The following REPS1 variants were observed in gnomAD, a reference collection of about 807,000 sequenced individuals.
REPS1 encodes the protein RALBP1 associated Eps domain containing 1.
REPS1 carries 39 observed loss-of-function variants against 100.9 expected under a neutral mutation model. That is an observed-to-expected ratio of 0.39 (90% CI 0.30 to 0.50). REPS1 has a LOEUF of 0.50. Ranked by LOEUF, REPS1 falls within the 20% of genes least tolerant of loss-of-function variation. The pLI is 0.86. For synonymous variants in REPS1, 324 were observed against 340.3 expected (o/e 0.95, Z 0.53); for missense variants, 821 against 968.5 (o/e 0.85, Z 2.02).
rs543415154 is a variant in REPS1, at chr6:138,904,154, G to T, written c.*910C>A. ...TCTGCTGTTAGCAATGGATCGAAAT[G>T]TATATATCATTTAATATTAAACAAA... On this transcript the variant is annotated 3_prime_UTR_variant, in exon 20 of 20. Coordinates refer to ENST00000450536, the MANE Select transcript of REPS1 (RefSeq NM_001286611.2). 1 of 152,246 alleles carries T rather than the reference G, an allele frequency of 6.6e-6. No homozygotes were observed. The highest frequency in any genetic ancestry group is 2.1e-4 in the South Asian group (1 of 4,830). 9.4% of individuals were successfully genotyped at this position (152,246 alleles called of 1,614,324 possible).
chr6:138,981,865 T>C (rs910099844), intron 1 of REPS1, among the ~76,000 whole-genome samples: 10 of 152,192 alleles, frequency 6.6e-5, no homozygotes, highest in African/African-American at 2.2e-4. Context: ...TTGGCACGAA[T>C]TCCCAATATA....
At chr6:138,907,733 C>G in intron 18 of REPS1, 133 bp from the exon 19 acceptor site, 2 of 589,136 alleles carry the variant, frequency 3.4e-6, no homozygotes, top group Non-Finnish European at 6.0e-6. Context: ...ACAGCTCAAC[C>G]TCACTTGCTC....
At position 138,920,938 on chromosome 6, in the gene REPS1, T is replaced by TA. The variant is rs544797608; in HGVS notation, c.1426+98dup. On this transcript the variant is annotated intron_variant, in intron 11 of 19. Coordinates refer to ENST00000450536, the MANE Select transcript of REPS1 (RefSeq NM_001286611.2). ...TACATAATTGTAGAAAGTACTAGCT[T>TA]AAAAAATAAGCGATGAAAGAAATTT... is the stretch of plus-strand genomic sequence containing the variant. The TA allele has an allele frequency of 9.2e-5, 77 of 840,050 alleles. No homozygotes were observed. The South Asian group carries it at 1.1e-3, about 12-fold the overall frequency. The allele number at this position is 840,050 out of a possible 1,614,324, so 52.0% of individuals were successfully genotyped here.
chr6:138,977,722 C>A (rs1162513845), intron 1 of REPS1, among the ~76,000 whole-genome samples: 1 of 152,096 alleles, frequency 6.6e-6, no homozygotes, highest in Non-Finnish European at 1.5e-5. Flanking sequence ...ACATACCTTT[C>A]TTTATTTGTA....
At chr6:138,986,620 T>C (rs567002941) in intron 1 of REPS1, among the ~76,000 whole-genome samples, 19 of 152,332 alleles carry the variant, frequency 1.2e-4, no homozygotes, top group Middle Eastern at 6.8e-3. Context: ...TGTGGATAAC[T>C]AGCTTGGATC....
At chr6:138,925,819 G>A (rs966481258) in intron 10 of REPS1, among the ~76,000 whole-genome samples, 2 of 152,132 alleles carry the variant, frequency 1.3e-5, no homozygotes, top group South Asian at 2.1e-4. Flanking sequence ...TTTAAATCAG[G>A]ATATGAACTT....
chr6:138,985,589 T>C (rs1041351526), intron 1 of REPS1, among the ~76,000 whole-genome samples: 2 of 152,232 alleles, frequency 1.3e-5, no homozygotes, highest in Admixed American at 6.5e-5. Flanking sequence ...GTAAATTGCC[T>C]TCAAGATATC....
chr6:138,913,976 C>T (rs1429977796), intron 15 of REPS1, among the ~76,000 whole-genome samples: 3 of 152,190 alleles, frequency 2.0e-5, no homozygotes, highest in African/African-American at 4.8e-5. Context: ...TACTACAGCA[C>T]TCTAATTTTG....
chr6:138,915,732 C>A, intron 14 of REPS1, 126 bp downstream of exon 14: 1 of 712,536 alleles, frequency 1.4e-6, no homozygotes, highest in East Asian at 2.9e-5. Flanking sequence ...CAGGCATGAG[C>A]AACCACACTC....
chr6:138,954,038 T>C (rs1783216112), intron 1 of REPS1, among the ~76,000 whole-genome samples: 2 of 151,976 alleles, frequency 1.3e-5, no homozygotes, highest in South Asian at 2.1e-4. Context: ...CTGTCATTCA[T>C]GGCAACATGG....
At chr6:138,978,992 C>T (rs996498620) in intron 1 of REPS1, among the ~76,000 whole-genome samples, 6 of 151,914 alleles carry the variant, frequency 3.9e-5, no homozygotes, top group Non-Finnish European at 8.8e-5. Flanking sequence ...ACCAGCCTGG[C>T]CAACATGGTG....
chr6:138,952,311 A>C (rs9389635), intron 1 of REPS1, among the ~76,000 whole-genome samples: 28,202 of 151,852 alleles, frequency 0.19, 2,816 homozygotes, highest in East Asian at 0.34. Flanking sequence ...AAATCTAAAG[A>C]CTCTACCAAA....
chr6:138,984,968 C>A (rs1384946847), intron 1 of REPS1, among the ~76,000 whole-genome samples: 1 of 152,218 alleles, frequency 6.6e-6, no homozygotes, highest in Non-Finnish European at 1.5e-5. Flanking sequence ...TGACCTAGCA[C>A]CCAATCCAGA....
intron 8 of REPS1, among the ~76,000 whole-genome samples, chr6:138,937,805 C>T (rs1383478872): frequency 1.3e-5 from 2 of 152,162 alleles, no homozygotes; most frequent in Non-Finnish European, 2.9e-5. Flanking sequence ...ACTCAATTTG[C>T]ACCTTGCTAG....
chr6:138,940,660 C>T (rs984747083), intron 8 of REPS1, among the ~76,000 whole-genome samples: 3 of 151,512 alleles, frequency 2.0e-5, no homozygotes, highest in Admixed American at 6.6e-5. Flanking sequence ...GCAGGAGAAT[C>T]GCTTGAACCC....
At chr6:138,952,656 T>G (rs970712480) in intron 1 of REPS1, among the ~76,000 whole-genome samples, 1 of 151,868 alleles carries the variant, frequency 6.6e-6, no homozygotes. Flanking sequence ...TGCCTCAGTC[T>G]CTCAAAGTGC....
intron 1 of REPS1, among the ~76,000 whole-genome samples, chr6:138,980,806 G>A (rs916262471): frequency 4.0e-5 from 6 of 150,486 alleles, no homozygotes; most frequent in Admixed American, 2.7e-4. Context: ...TCCTGCCTCT[G>A]CCTCTCAAGT....
intron 1 of REPS1, among the ~76,000 whole-genome samples, chr6:138,953,774 G>T (rs943857361): frequency 6.6e-6 from 1 of 151,412 alleles, no homozygotes. Flanking sequence ...CCACTATGGA[G>T]AACAGTATGA....
chr6:138,920,158 C>CA (rs1780656340), intron 12 of REPS1, 57 bp downstream of exon 12: 1 of 917,042 alleles, frequency 1.1e-6, no homozygotes, highest in Non-Finnish European at 1.8e-6. Context: ...CTGAAATAGT[C>CA]AGACTCTAAA....
Sources: gnomAD v4.1 joint callset for allele counts (sites outside exome capture counted in the v4.1 genomes callset) on GRCh38, gnomAD v4.1.1 for gene constraint, MANE v1.5 for transcripts, NCBI Gene and HGNC (gene_info 2026-07-23, HGNC 2026-07-21) for gene names.